Variants in RANBP17 observed in about 807,000 individuals in gnomAD.
RANBP17 encodes ran-binding protein 17.
Under a neutral mutation model 141.2 loss-of-function variants are expected in RANBP17, and 158 were observed. That is an observed-to-expected ratio of 1.12 (90% confidence interval 0.98 to 1.28). The LOEUF is 1.28. Among genes scored for constraint, RANBP17 ranks in the 50% most tolerant of loss-of-function variants. The pLI is 0.00. For synonymous variants in RANBP17, 430 were observed against 450.0 expected (o/e 0.96, Z 0.56); for missense variants, 1,438 against 1,290.7 (o/e 1.11, Z -1.75).
At chr5:171,013,495 T>G (rs1025406271) in intron 14 of RANBP17, among the ~76,000 whole-genome samples, 1 of 152,214 alleles carries the variant, frequency 6.6e-6, no homozygotes, top group Non-Finnish European at 1.5e-5. Context: ...TAGTATCAGG[T>G]TGTTGCAGCA....
chr5:171,043,977 A>G (rs1782414904), intron 14 of RANBP17, among the ~76,000 whole-genome samples: 1 of 152,162 alleles, frequency 6.6e-6, no homozygotes, highest in African/African-American at 2.4e-5. Context: ...GCAAATAGAA[A>G]GGATCTATTT....
At chr5:171,210,689 G>T (rs1006494980) in intron 20 of RANBP17, among the ~76,000 whole-genome samples, 6 of 152,074 alleles carry the variant, frequency 3.9e-5, no homozygotes, top group Non-Finnish European at 5.9e-5. Context: ...CCTAATTTGA[G>T]CATGTGTTCC....
At chr5:170,941,357 G>T (rs565297576) in intron 12 of RANBP17, among the ~76,000 whole-genome samples, 7 of 152,016 alleles carry the variant, frequency 4.6e-5, no homozygotes, top group Non-Finnish European at 1.0e-4. Flanking sequence ...TAGGAAGAAA[G>T]AATTCACAAA....
chr5:170,985,032 GACACACAGGCACACACAGAC>G (rs1382087611), intron 14 of RANBP17, among the ~76,000 whole-genome samples: 5 of 112,336 alleles, frequency 4.5e-5, no homozygotes, highest in Non-Finnish European at 9.8e-5. Context: ...TACACACACA[GACACACAGGCACACACAGAC>G]ACACACAGAC....
intron 1 of RANBP17, among the ~76,000 whole-genome samples, chr5:170,875,003 G>A (rs1581025303): frequency 6.6e-6 from 1 of 152,230 alleles, no homozygotes; most frequent in East Asian, 1.9e-4. Flanking sequence ...TCCTTCAGGA[G>A]CTCTTGGAAG....
intron 14 of RANBP17, among the ~76,000 whole-genome samples, chr5:171,101,080 AT>A (rs1186572031): frequency 6.6e-6 from 1 of 152,094 alleles, no homozygotes; most frequent in Non-Finnish European, 1.5e-5. Context: ...TATTCTGTTG[AT>A]TTGGGGTGGA....
chr5:170,959,295 C>A (rs1775970461), intron 13 of RANBP17, among the ~76,000 whole-genome samples: 1 of 152,154 alleles, frequency 6.6e-6, no homozygotes, highest in Admixed American at 6.6e-5. Context: ...GATAATATTT[C>A]TCCCATTTTC....
chr5:171,105,406 A>AAG (rs1754747597), intron 14 of RANBP17, among the ~76,000 whole-genome samples: 2 of 145,920 alleles, frequency 1.4e-5, no homozygotes, highest in South Asian at 4.4e-4. Flanking sequence ...AAAAAAAAAA[A>AAG]TTTTCCTGGG....
chr5:170,919,727 A>T, intron 11 of RANBP17, 114 bp downstream of exon 11: 1 of 694,230 alleles, frequency 1.4e-6, no homozygotes, highest in Non-Finnish European at 2.3e-6. Context: ...ATGATTTCTG[A>T]CAAGTGCACA....
At chr5:171,093,215 C>A (rs2255670) in intron 14 of RANBP17, among the ~76,000 whole-genome samples, 137,722 of 150,198 alleles carry the variant, frequency 0.92, 63,349 homozygotes, top group South Asian at 0.97. Context: ...AGTCTCCCCC[C>A]AAAAAAAAAA....
chr5:171,153,089 G>C (rs2127836748), intron 14 of RANBP17, among the ~76,000 whole-genome samples: 1 of 152,302 alleles, frequency 6.6e-6, no homozygotes, highest in East Asian at 1.9e-4. Context: ...TCTTGTATCT[G>C]TCATACAACT....
At chr5:171,233,531 C>T (rs190996964) in intron 22 of RANBP17, among the ~76,000 whole-genome samples, 29 of 152,000 alleles carry the variant, frequency 1.9e-4, no homozygotes, top group African/African-American at 6.8e-4. Context: ...CAACAGTACA[C>T]CCAGACAATG....
At chr5:171,089,241 G>C (rs1052128093) in intron 14 of RANBP17, among the ~76,000 whole-genome samples, 1 of 107,632 alleles carries the variant, frequency 9.3e-6, no homozygotes, top group Non-Finnish European at 2.2e-5. Flanking sequence ...GTGTGCCCCT[G>C]CTGGGGGGGG....
At chr5:171,064,023 G>A (rs1415287809) in intron 14 of RANBP17, among the ~76,000 whole-genome samples, 3 of 152,286 alleles carry the variant, frequency 2.0e-5, no homozygotes, top group Admixed American at 2.0e-4. Context: ...GAAAAGCGCA[G>A]TATTAGTGTG....
At chr5:171,125,312 A>G (rs867609274) in intron 14 of RANBP17, among the ~76,000 whole-genome samples, 2 of 148,778 alleles carry the variant, frequency 1.3e-5, no homozygotes, top group Non-Finnish European at 3.0e-5. Context: ...AAAAAAAAAA[A>G]AAAGAAAGTG....
intron 24 of RANBP17, among the ~76,000 whole-genome samples, chr5:171,245,319 T>C (rs777063169): frequency 1.2e-4 from 19 of 152,114 alleles, no homozygotes; most frequent in Non-Finnish European, 1.6e-4. Flanking sequence ...TAGATTTTGG[T>C]TTTTATTTTT....
chr5:171,039,333 T>A (rs906943844), intron 14 of RANBP17, among the ~76,000 whole-genome samples: 3 of 151,782 alleles, frequency 2.0e-5, no homozygotes, highest in Non-Finnish European at 2.9e-5. Flanking sequence ...TGATTAGTGA[T>A]GTTGAACATT....
At chr5:170,894,579 A>G (rs1862549) in intron 4 of RANBP17, among the ~76,000 whole-genome samples, 134,704 of 149,858 alleles carry the variant, frequency 0.9, 60,736 homozygotes, top group East Asian at 1. Flanking sequence ...GAATATTATC[A>G]TATGGTTCCT....
At chr5:170,904,045 C>T in intron 5 of RANBP17, 1 of 470,264 alleles carries the variant, frequency 2.1e-6, no homozygotes, top group South Asian at 1.9e-5. Context: ...CTGCTTCAGG[C>T]AGACCCTAAA....
Sources: allele counts gnomAD v4.1 joint callset (sites outside exome capture counted in the v4.1 genomes callset), GRCh38; gene constraint gnomAD v4.1.1; transcripts MANE v1.5; gene names NCBI Gene and HGNC (gene_info 2026-07-23, HGNC 2026-07-21).